Variants in CRB1 observed in about 807,000 individuals in gnomAD.
CRB1 encodes crumbs cell polarity complex component 1.
CRB1 carries 83 observed loss-of-function variants against 120.0 expected under a neutral mutation model. The observed-to-expected ratio is 0.69, with a 90% CI of 0.58 to 0.83. The LOEUF is 0.83. CRB1 is among the 40% of genes least tolerant of loss of function. The pLI is 0.00. For synonymous variants in CRB1, 625 were observed against 612.5 expected, an observed-to-expected ratio of 1.02 and a Z score of -0.30; for missense variants, 1,699 against 1,687.6, an observed-to-expected ratio of 1.01 and a Z score of -0.12.
the CRB1 span, among the ~76,000 whole-genome samples, chr1:197,204,861 A>G: frequency 2.0e-5 from 3 of 152,272 alleles, no homozygotes; most frequent in South Asian, 2.1e-4. Context: ...GCCAATGTCT[A>G]TAAGAGTTTT....
At chr1:197,429,357 C>A (rs1168414877) in intron 7 of CRB1, 92 bp from the exon 8 acceptor site, 40 of 1,478,944 alleles carry the variant, frequency 2.7e-5, no homozygotes, top group Non-Finnish European at 3.2e-5. Context: ...GGGAAATTAG[C>A]ATTTTAAAAA....
intron 8 of CRB1, among the ~76,000 whole-genome samples, chr1:197,433,060 AT>A (rs34949598): frequency 0.16 from 23,047 of 144,628 alleles, 2,070 homozygotes; most frequent in Non-Finnish European, 0.21. Context: ...TTTGTCATGA[AT>A]TTTTTTTTTT....
chr1:197,210,798 G>C, the CRB1 span, among the ~76,000 whole-genome samples: 1 of 152,192 alleles, frequency 6.6e-6, no homozygotes, highest in African/African-American at 2.4e-5. Flanking sequence ...CCATAAGAGA[G>C]AGTATAGTCT....
intron 6 of CRB1, among the ~76,000 whole-genome samples, chr1:197,426,025 C>T (rs929605087): frequency 4.4e-4 from 66 of 151,690 alleles, no homozygotes; most frequent in African/African-American, 1.5e-3. Flanking sequence ...GTCACTTCTG[C>T]TTGGATATCC....
chr1:197,310,532 G>A (rs1272599742), intron 1 of CRB1, among the ~76,000 whole-genome samples: 2 of 152,060 alleles, frequency 1.3e-5, no homozygotes. Context: ...AGTTGAAAGG[G>A]AAATGAATTT....
At chr1:197,277,462 A>G (rs1376916633) in intron 1 of CRB1, among the ~76,000 whole-genome samples, 2 of 152,020 alleles carry the variant, frequency 1.3e-5, no homozygotes, top group Non-Finnish European at 2.9e-5. Flanking sequence ...CCAGCTCTGT[A>G]CAACAAGCAA....
chr1:197,365,102 T>C (rs1258888376), intron 5 of CRB1, among the ~76,000 whole-genome samples: 1 of 152,222 alleles, frequency 6.6e-6, no homozygotes, highest in Non-Finnish European at 1.5e-5. Flanking sequence ...TATTTTCTGA[T>C]TCTTTGCTGT....
At chr1:197,459,993 G>GC (rs1571610871) in intron 11 of CRB1, among the ~76,000 whole-genome samples, 1 of 99,448 alleles carries the variant, frequency 1.0e-5, no homozygotes, top group African/African-American at 3.2e-5. Context: ...CTTGCTTTAA[G>GC]CCCCCCTCTT....
intron 1 of CRB1, among the ~76,000 whole-genome samples, chr1:197,310,650 T>C (rs72740520): frequency 1.3e-5 from 2 of 152,222 alleles, no homozygotes; most frequent in East Asian, 1.9e-4. Context: ...TATATAGATA[T>C]AGATATAGAA....
At chr1:197,322,444 CAG>C (rs1453389904) in intron 1 of CRB1, among the ~76,000 whole-genome samples, 1 of 151,568 alleles carries the variant, frequency 6.6e-6, no homozygotes, top group Non-Finnish European at 1.5e-5. Context: ...GCCTGGGTGA[CAG>C]AGTGAGACTC....
At chr1:197,218,806 G>A in the CRB1 span, among the ~76,000 whole-genome samples, 8 of 152,186 alleles carry the variant, frequency 5.3e-5, no homozygotes, top group South Asian at 1.4e-3. Flanking sequence ...GGAGGGATGT[G>A]TAGTAGGAAA....
the CRB1 span, among the ~76,000 whole-genome samples, chr1:197,220,207 C>T: frequency 6.6e-6 from 1 of 151,854 alleles, no homozygotes; most frequent in Non-Finnish European, 1.5e-5. Context: ...ATAAAAGGAA[C>T]ACAGTAAAGT....
At chr1:197,209,562 A>G in the CRB1 span, among the ~76,000 whole-genome samples, 29 of 152,034 alleles carry the variant, frequency 1.9e-4, no homozygotes, top group South Asian at 1.7e-3. Context: ...TGGCCAGGCT[A>G]GTCTTGAACT....
intron 11 of CRB1, among the ~76,000 whole-genome samples, chr1:197,472,896 A>G (rs1053097504): frequency 5.9e-5 from 9 of 152,174 alleles, no homozygotes; most frequent in Non-Finnish European, 1.3e-4. Context: ...AAACAAGAGT[A>G]ATCACATGGA....
the CRB1 span, among the ~76,000 whole-genome samples, chr1:197,212,771 T>TA: frequency 6.6e-6 from 1 of 151,924 alleles, no homozygotes; most frequent in Non-Finnish European, 1.5e-5. Context: ...ATAAAGCCAT[T>TA]AAAAAGAGTG....
At chr1:197,360,599 T>A (rs17618358) in intron 5 of CRB1, 85,937 of 152,146 alleles carry the variant, frequency 0.56, 28,145 homozygotes, top group South Asian at 0.81. Context: ...AAGCAACAGA[T>A]GCCACTTGCC....
At chr1:197,416,967 A>C (rs1391404065) in intron 5 of CRB1, among the ~76,000 whole-genome samples, 4 of 152,200 alleles carry the variant, frequency 2.6e-5, no homozygotes, top group African/African-American at 9.6e-5. Flanking sequence ...CTGGGCCTCC[A>C]AAGTGCTGGG....
At chr1:197,441,486 A>G (rs923053339) in intron 10 of CRB1, 2 of 152,164 alleles carry the variant, frequency 1.3e-5, no homozygotes, top group African/African-American at 4.8e-5. Context: ...AAGTCATTCT[A>G]CCTCAACATT....
intron 1 of CRB1, among the ~76,000 whole-genome samples, chr1:197,278,755 A>G (rs1437454519): frequency 6.6e-6 from 1 of 151,948 alleles, no homozygotes; most frequent in Non-Finnish European, 1.5e-5. Context: ...AATTTCTTTA[A>G]ATAACCATTA....
Sources: allele counts gnomAD v4.1 joint callset (sites outside exome capture counted in the v4.1 genomes callset), GRCh38; gene constraint gnomAD v4.1.1; transcripts MANE v1.5; gene names NCBI Gene and HGNC (gene_info 2026-07-23, HGNC 2026-07-21).